CDC14A: variants seen among roughly 807,000 people sequenced by gnomAD.
CDC14A encodes the protein dual specificity protein phosphatase CDC14A.
A neutral mutation model predicts 74.4 loss-of-function variants in CDC14A; 53 were observed. The ratio of observed to expected loss-of-function variants is 0.71; its 90% CI spans 0.57 to 0.89. The LOEUF is 0.89. Ranked by LOEUF, CDC14A falls within the 40% of genes least tolerant of loss-of-function variation. CDC14A has a pLI of 0.00. For synonymous variants in CDC14A, 247 were observed against 258.4 expected (o/e 0.96, Z 0.43); for missense variants, 646 against 713.7 (o/e 0.91, Z 1.08).
At chr1:100,356,569 G>A (rs1651908463) in intron 2 of CDC14A, among the ~76,000 whole-genome samples, 1 of 151,984 alleles carries the variant, frequency 6.6e-6, no homozygotes, top group Non-Finnish European at 1.5e-5. Context: ...AAAAAATTCA[G>A]GGGGGACCAG....
At chr1:100,370,577 C>G (rs1301144656) in intron 2 of CDC14A, among the ~76,000 whole-genome samples, 1 of 152,190 alleles carries the variant, frequency 6.6e-6, no homozygotes, top group Non-Finnish European at 1.5e-5. Flanking sequence ...AGTCCTTTCC[C>G]TAGTGCTATT....
At chr1:100,492,709 T>C (rs1474306889) in intron 11 of CDC14A, among the ~76,000 whole-genome samples, 3 of 152,236 alleles carry the variant, frequency 2.0e-5, no homozygotes, top group African/African-American at 7.2e-5. Flanking sequence ...GAAAAGATAA[T>C]GCTTTAAAAA....
At chr1:100,367,815 A>AT (rs1235618659) in intron 2 of CDC14A, among the ~76,000 whole-genome samples, 1 of 151,884 alleles carries the variant, frequency 6.6e-6, no homozygotes, top group Non-Finnish European at 1.5e-5. Context: ...AGGATTGCTT[A>AT]TTTTTTTTCT....
intron 14 of CDC14A, among the ~76,000 whole-genome samples, 158 bp downstream of exon 14, chr1:100,498,365 T>C (rs1648181944): frequency 6.6e-6 from 1 of 152,126 alleles, no homozygotes; most frequent in Non-Finnish European, 1.5e-5. Context: ...GTTCCTGTCT[T>C]GGGAAGGCAG....
rs1648316241 is a variant in CDC14A at position 100,498,952 on chromosome 1, C to T, written c.1445C>T (p.Ala482Val). ...AGCTTTTCCATAAACTCCCGGCTAGCCAGTTCTCTAGGGAACTTGAATGCT... is the reference window on the plus strand; with the variant it reads ...AGCTTTTCCATAAACTCCCGGCTAGTCAGTTCTCTAGGGAACTTGAATGCT... ...VRSFSINSRL[A>V]SSLGNLNAAT... is the part of the protein sequence containing the mutation. Residue 482 changes from alanine (A) to valine (V), a missense_variant, in exon 15 of 16, where the codon GCC (alanine) becomes GTC (valine). By Grantham distance (64) the Ala-to-Val change is moderately conservative. Transcript: ENST00000336454. 5.6e-6 allele frequency: 9 copies of T among 1,612,882 alleles called. No individual in the cohort carries two copies. The highest frequency in any genetic ancestry group is 4.5e-5 in the East Asian group (2 of 44,868).
At chr1:100,511,793 C>A (rs1363827642) in intron 15 of CDC14A, among the ~76,000 whole-genome samples, 1 of 152,162 alleles carries the variant, frequency 6.6e-6, no homozygotes, top group African/African-American at 2.4e-5. Context: ...ATCGCATAGC[C>A]CTTTCTGTCT....
intron 7 of CDC14A, among the ~76,000 whole-genome samples, chr1:100,448,760 G>C (rs1447794792): frequency 6.6e-6 from 1 of 152,204 alleles, no homozygotes; most frequent in Non-Finnish European, 1.5e-5. Flanking sequence ...TAGCTTTTCA[G>C]TTCATTTGTT....
At chr1:100,435,488 G>A (rs933106422) in intron 5 of CDC14A, among the ~76,000 whole-genome samples, 9 of 152,114 alleles carry the variant, frequency 5.9e-5, no homozygotes, top group Non-Finnish European at 1.2e-4. Context: ...GGTGATGGTT[G>A]TACAACATTA....
At chr1:100,515,162 C>A (rs1650084304) in intron 15 of CDC14A, among the ~76,000 whole-genome samples, 1 of 152,148 alleles carries the variant, frequency 6.6e-6, no homozygotes, top group Non-Finnish European at 1.5e-5. Flanking sequence ...TTGTGTTTTT[C>A]CTTGAGGTTT....
intron 2 of CDC14A, among the ~76,000 whole-genome samples, chr1:100,356,907 T>C (rs1651992501): frequency 6.9e-6 from 1 of 144,410 alleles, no homozygotes; most frequent in South Asian, 2.2e-4. Context: ...AACAAGTACC[T>C]GGATTAGGAT....
chr1:100,347,950 C>T (rs1296251516), upstream of CDC14A, among the ~76,000 whole-genome samples: 1 of 152,168 alleles, frequency 6.6e-6, no homozygotes, highest in African/African-American at 2.4e-5. Context: ...AGGCCTTTGA[C>T]AATCTTGAGC....
chr1:100,432,279 T>C (rs904354728), intron 5 of CDC14A, among the ~76,000 whole-genome samples: 6 of 152,230 alleles, frequency 3.9e-5, no homozygotes, highest in Admixed American at 3.3e-4. Flanking sequence ...CTGGTACATA[T>C]ATGTCATAGA....
At chr1:100,355,257 GTC>G (rs558031789) in intron 2 of CDC14A, among the ~76,000 whole-genome samples, 87 of 152,128 alleles carry the variant, frequency 5.7e-4, no homozygotes, top group Non-Finnish European at 1.0e-3. Flanking sequence ...GGTTTTGGGG[GTC>G]TCTCATGAGT....
chr1:100,429,152 C>T (rs1457550081), intron 5 of CDC14A, among the ~76,000 whole-genome samples: 2 of 151,220 alleles, frequency 1.3e-5, no homozygotes, highest in Non-Finnish European at 1.5e-5. Flanking sequence ...TGTGGTGAGC[C>T]AAGATCGCGC....
chr1:100,459,041 G>A (rs887787877), intron 8 of CDC14A, among the ~76,000 whole-genome samples: 1 of 150,122 alleles, frequency 6.7e-6, no homozygotes, highest in African/African-American at 2.5e-5. Context: ...CAGATTTTCT[G>A]TAAAAATGTC....
chr1:100,427,766 G>A (rs1663126883), intron 5 of CDC14A, among the ~76,000 whole-genome samples: 1 of 152,164 alleles, frequency 6.6e-6, no homozygotes, highest in South Asian at 2.1e-4. Context: ...GGACAACTTG[G>A]TACCTGCTGC....
chr1:100,348,341 ATTCTT>A (rs1312670603), upstream of CDC14A, among the ~76,000 whole-genome samples: 2 of 152,062 alleles, frequency 1.3e-5, no homozygotes, highest in African/African-American at 4.8e-5. Context: ...ATAAAATTTA[ATTCTT>A]TTGTTTTTCA....
intron 2 of CDC14A, among the ~76,000 whole-genome samples, chr1:100,358,434 G>A (rs556106157): frequency 8.5e-5 from 13 of 152,230 alleles, no homozygotes; most frequent in Non-Finnish European, 1.6e-4. Context: ...TAGAAAGCCA[G>A]TTTGCTGGGA....
chr1:100,496,108 T>C, intron 13 of CDC14A, 59 bp downstream of exon 13: 4 of 1,441,954 alleles, frequency 2.8e-6, no homozygotes, highest in East Asian at 2.3e-5. Context: ...CTTTTAGCCA[T>C]GTTTCCCAAG....
Sources: allele counts gnomAD v4.1 joint callset (sites outside exome capture counted in the v4.1 genomes callset), GRCh38; gene constraint gnomAD v4.1.1; transcripts MANE v1.5; gene names NCBI Gene and HGNC (gene_info 2026-07-23, HGNC 2026-07-21).